PRKCE: variants seen among roughly 807,000 people sequenced by gnomAD.
PRKCE encodes protein kinase C epsilon type.
Under a neutral mutation model 85.4 loss-of-function variants are expected in PRKCE, and 16 were observed. The observed-to-expected ratio is 0.19, with a 90% CI of 0.13 to 0.28. The LOEUF is 0.28. PRKCE is among the 10% of genes least tolerant of loss of function. The pLI is 1.00. For synonymous variants in PRKCE, 388 were observed against 371.5 expected, an observed-to-expected ratio of 1.04 and a Z score of -0.51; for missense variants, 573 against 975.2, an observed-to-expected ratio of 0.59 and a Z score of 5.49.
intron 11 of PRKCE, among the ~76,000 whole-genome samples, chr2:46,088,708 G>A (rs1309291640): frequency 2.6e-5 from 4 of 152,156 alleles, no homozygotes; most frequent in Non-Finnish European, 5.9e-5. Flanking sequence ...TACAATGCAC[G>A]TACTTCAAGG....
Position 46,159,994 on chromosome 2 carries a change from T to C in PRKCE, c.2067+242T>C. ...TGATTTACGTGGGCCACAGAACACC[T>C]TTTGTCTTTACAGAGATTCAATTTA... On this transcript the variant is annotated intron_variant, in intron 14 of 14. Transcript: ENST00000306156. This position sits in a 1 kb window ranked among gnomAD's most constrained non-coding sequence, Gnocchi z 4.1. 2.1e-6 allele frequency: 1 copy of C among 471,592 alleles called. No individual in the cohort carries two copies. The highest frequency in any genetic ancestry group is 3.7e-6 in the Non-Finnish European group (1 of 270,872). 29.2% of individuals were successfully genotyped at this position (471,592 alleles called of 1,614,324 possible).
rs200039240 is a variant in PRKCE at position 45,672,432 on chromosome 2, C to CTCCA, written c.348+19997_348+20000dup. Among the ~76,000 whole-genome samples, 123 of 152,214 alleles carry CTCCA rather than the reference C, an allele frequency of 8.1e-4. 3 individuals carry two copies. In the East Asian group the frequency reaches 0.02, roughly 25 times the overall value. ...CATCCATCCATCTATTCATCTATCT[C>CTCCA]TCCATCCATCCATCCAGCCAGCCAG... On this transcript the variant is annotated intron_variant, in intron 1 of 14. Coordinates refer to ENST00000306156, the MANE Select transcript of PRKCE (RefSeq NM_005400.3).
intron 2 of PRKCE, among the ~76,000 whole-genome samples, chr2:45,896,772 C>G (rs1696177118): frequency 6.6e-6 from 1 of 152,120 alleles, no homozygotes; most frequent in Admixed American, 6.5e-5. Context: ...TCATGTGTAG[C>G]CTTTGAAGCA....
chr2:45,888,737 C>A lies in PRKCE; in HGVS notation c.412+45674C>A, dbSNP rs182263623. Among the ~76,000 whole-genome samples the A allele has an allele frequency of 5.4e-3, 825 of 152,266 alleles. 8 individuals are homozygous for A. Among genetic ancestry groups the A allele is most frequent in the Non-Finnish European group, 6.5e-3 (441 of 67,992 alleles). On this transcript the variant is annotated intron_variant, in intron 2 of 14. Transcript: ENST00000306156. Reference sequence around the variant, plus strand: ...AAAGTGCTGGGATCATAAGTGTGAGCCATCGCACCTGGCCAGAAATACTCT... The same window carrying A: ...AAAGTGCTGGGATCATAAGTGTGAGACATCGCACCTGGCCAGAAATACTCT...
chr2:45,656,049 C>T (rs1203153357), intron 1 of PRKCE, among the ~76,000 whole-genome samples: 2 of 152,132 alleles, frequency 1.3e-5, no homozygotes, highest in African/African-American at 4.8e-5. Flanking sequence ...ATGAGCAGGA[C>T]AGAAACTGAG....
chr2:45,913,944 C>A (rs1013747), intron 2 of PRKCE, among the ~76,000 whole-genome samples: 8,085 of 152,244 alleles, frequency 0.053, 244 homozygotes, highest in African/African-American at 0.083. Flanking sequence ...AATTTGTACC[C>A]TCCTTTCTTT....
intron 11 of PRKCE, among the ~76,000 whole-genome samples, chr2:46,136,097 C>G (rs946399206): frequency 6.6e-6 from 1 of 152,084 alleles, no homozygotes; most frequent in South Asian, 2.1e-4. Context: ...AGGGCCTGCT[C>G]TAGGACATGA....
Position 46,186,481 on chromosome 2 carries a change from A to G in PRKCE, c.*1600A>G, listed in dbSNP as rs1680456645. On this transcript the variant is annotated 3_prime_UTR_variant, in exon 15 of 15. Coordinates refer to ENST00000306156, the MANE Select transcript of PRKCE (RefSeq NM_005400.3). The stretch of plus-strand genomic sequence containing the variant: ...CAGGCATATTATAAAACTTTAGTCT[A>G]TGAAAGAATAATTATAATAATGTCC... The G allele has an allele frequency of 6.6e-6, 1 of 152,606 alleles. No individual in the cohort carries two copies. Among genetic ancestry groups the G allele is most frequent in the Non-Finnish European group, 1.5e-5 (1 of 68,036 alleles). The allele number at this position is 152,606 out of a possible 1,614,324, so 9.5% of individuals were successfully genotyped here.
chr2:46,160,849 C>T (rs192239532), intron 14 of PRKCE, among the ~76,000 whole-genome samples: 12 of 152,226 alleles, frequency 7.9e-5, no homozygotes, highest in East Asian at 1.9e-4. Context: ...AAATCTTCCA[C>T]GGTGGGAGTG....
At chr2:45,761,188 G>A (rs1373319179) in intron 1 of PRKCE, among the ~76,000 whole-genome samples, 2 of 151,960 alleles carry the variant, frequency 1.3e-5, no homozygotes, top group Admixed American at 6.6e-5. Context: ...TTAGCCGAGT[G>A]TGGTGGTGGG....
intron 10 of PRKCE, among the ~76,000 whole-genome samples, chr2:46,023,948 T>A (rs933563962): frequency 9.9e-5 from 15 of 152,204 alleles, no homozygotes; most frequent in Non-Finnish European, 1.2e-4. Context: ...CACGTATTAA[T>A]TTAATCGTCA....
chr2:45,777,158 G>A (rs191189071), intron 1 of PRKCE, among the ~76,000 whole-genome samples: 4 of 152,312 alleles, frequency 2.6e-5, no homozygotes, highest in Admixed American at 2.6e-4. Context: ...AGCATAGGGT[G>A]TTATGAAAGC....
At chr2:46,124,851 A>G (rs185818038) in intron 11 of PRKCE, among the ~76,000 whole-genome samples, 6 of 152,304 alleles carry the variant, frequency 3.9e-5, no homozygotes, top group African/African-American at 1.4e-4. Context: ...GTGCCCCAAA[A>G]TAACTAAAAA....
chr2:45,704,535 T>G (rs2104287020), intron 1 of PRKCE, among the ~76,000 whole-genome samples: 1 of 152,336 alleles, frequency 6.6e-6, no homozygotes, highest in Non-Finnish European at 1.5e-5. Context: ...AGTGTTAAAG[T>G]GTCATGACAT....
chr2:45,784,010 C>T (rs1686398377), intron 1 of PRKCE, among the ~76,000 whole-genome samples: 1 of 152,252 alleles, frequency 6.6e-6, no homozygotes, highest in South Asian at 2.1e-4. Flanking sequence ...TTCAGTCACA[C>T]ACACACTCAC....
chr2:46,004,517 T>C lies in PRKCE; in HGVS notation c.967-25T>C, dbSNP rs766586635. The stretch of plus-strand genomic sequence containing the variant: ...TCTCAACCCTCCCTTCTGATGCCTC[T>C]GTCCCTGCTTTCTCTCCTCTCTAGC... On this transcript the variant is annotated intron_variant, in intron 7 of 14. Transcript: ENST00000306156. This position sits in a 1 kb window ranked among gnomAD's most constrained non-coding sequence, Gnocchi z 4.1. 36 of 1,547,926 alleles carry C rather than the reference T, an allele frequency of 2.3e-5. No individual in the cohort carries two copies. The highest frequency in any genetic ancestry group is 3.0e-5 in the Non-Finnish European group (34 of 1,148,880).
chr2:46,068,287 A>G lies in PRKCE; in HGVS notation c.1438-17921A>G, dbSNP rs1667794849. 1.3e-5 allele frequency among the ~76,000 whole-genome samples: 2 copies of G among 152,348 alleles called. No homozygotes were observed. The highest frequency in any genetic ancestry group is 4.8e-5 in the African/African-American group (2 of 41,570). ...GTTAGGTCCAGTAAAGGATTCAGAA[A>G]GAGACTTCAGGAGCTGCCCTGGGAA... On this transcript the variant is annotated intron_variant, in intron 10 of 14. Coordinates refer to ENST00000306156, the MANE Select transcript of PRKCE (RefSeq NM_005400.3). The surrounding 1 kb of genome is among the most constrained non-coding windows in gnomAD (Gnocchi z 4.3).
At chr2:46,040,434 A>T (rs1417417799) in intron 10 of PRKCE, among the ~76,000 whole-genome samples, 1 of 152,166 alleles carries the variant, frequency 6.6e-6, no homozygotes, top group Non-Finnish European at 1.5e-5. Context: ...CCTTGGCTTC[A>T]GCTTAGGATC....
intron 2 of PRKCE, among the ~76,000 whole-genome samples, chr2:45,960,938 G>C (rs6728240): frequency 0.044 from 6,742 of 152,184 alleles, 367 homozygotes; most frequent in East Asian, 0.31. Context: ...AATGGCCCTC[G>C]CAGAGGCTTT....
Sources: gnomAD v4.1 joint callset for allele counts (sites outside exome capture counted in the v4.1 genomes callset) on GRCh38, gnomAD v4.1.1 for gene constraint, Gnocchi (gnomAD v3.1) non-coding constraint, MANE v1.5 for transcripts, NCBI Gene and HGNC (gene_info 2026-07-23, HGNC 2026-07-21) for gene names.